Variants in CXCL13 observed in about 807,000 individuals in gnomAD.
CXCL13 encodes C-X-C motif chemokine 13.
CXCL13 carries 7 observed loss-of-function variants against 12.2 expected under a neutral mutation model. That is an observed-to-expected ratio of 0.57 (90% CI 0.33 to 1.07). The LOEUF is 1.07. Ranked by LOEUF, CXCL13 falls within the 50% of genes least tolerant of loss-of-function variation. The pLI is 0.04. For synonymous variants in CXCL13, 47 were observed against 42.4 expected (o/e 1.11, Z -0.42); for missense variants, 113 against 127.4 (o/e 0.89, Z 0.55).
intron 1 of CXCL13, among the ~76,000 whole-genome samples, chr4:77,595,693 A>G (rs902071449): frequency 9.9e-5 from 15 of 152,216 alleles, no homozygotes; most frequent in African/African-American, 3.6e-4. Context: ...CACCCTAATA[A>G]TGAAACAATA....
chr4:77,520,468 T>C (rs1232274811), intron 1 of CXCL13, among the ~76,000 whole-genome samples: 10 of 152,208 alleles, frequency 6.6e-5, no homozygotes, highest in African/African-American at 2.2e-4. Context: ...CTGTATTCTT[T>C]TTGCAGCAAT....
At chr4:77,520,090 C>T (rs1286027492) in intron 1 of CXCL13, among the ~76,000 whole-genome samples, 3 of 152,146 alleles carry the variant, frequency 2.0e-5, no homozygotes, top group East Asian at 1.9e-4. Flanking sequence ...GTTTTGGTAC[C>T]AGTACCATGC....
chr4:77,588,027 C>T (rs1283446047), intron 1 of CXCL13, among the ~76,000 whole-genome samples: 1 of 152,242 alleles, frequency 6.6e-6, no homozygotes, highest in Non-Finnish European at 1.5e-5. Flanking sequence ...CTCATCCACA[C>T]TCTTGAAGGG....
At position 77,519,514 on chromosome 4, in the gene CXCL13, C is replaced by T. The variant is rs185458746; in HGVS notation, c.-43+7726C>T. ...TGTGTCTGTTGGCTGCATAAATGTC[C>T]TCTTTTGAGAAGTGTCTGTTCATAT... is the stretch of plus-strand genomic sequence containing the variant. On this transcript the variant is annotated intron_variant, in intron 1 of 4. Transcript: ENST00000286758. Among the ~76,000 whole-genome samples the T allele has an allele frequency of 7.6e-3, 1,155 of 152,172 alleles. 14 individuals carry two copies. The highest frequency in any genetic ancestry group is 0.025 in the African/African-American group (1,042 of 41,538).
chr4:77,526,831 C>T (rs1359302374), intron 1 of CXCL13, among the ~76,000 whole-genome samples: 1 of 152,146 alleles, frequency 6.6e-6, no homozygotes, highest in South Asian at 2.1e-4. Flanking sequence ...GGCCTTTGAG[C>T]TGAGACCCAA....
chr4:77,600,073 T>C (rs1190489957), intron 1 of CXCL13, among the ~76,000 whole-genome samples: 1 of 151,954 alleles, frequency 6.6e-6, no homozygotes, highest in African/African-American at 2.4e-5. Context: ...ACTTGGAATA[T>C]TGGAGATAGA....
intron 1 of CXCL13, among the ~76,000 whole-genome samples, chr4:77,541,463 T>G (rs1725205330): frequency 6.6e-6 from 1 of 152,200 alleles, no homozygotes; most frequent in Non-Finnish European, 1.5e-5. Flanking sequence ...ATTTATTGAA[T>G]AGGAAGTCCT....
intron 1 of CXCL13, among the ~76,000 whole-genome samples, chr4:77,542,436 T>C (rs2109801705): frequency 6.6e-6 from 1 of 152,216 alleles, no homozygotes; most frequent in Middle Eastern, 3.4e-3. Flanking sequence ...TTGGTCTAAT[T>C]GAGAGTTTTT....
chr4:77,518,937 A>T lies in CXCL13; in HGVS notation c.-43+7149A>T, dbSNP rs185891135. Among the ~76,000 whole-genome samples the T allele has an allele frequency of 7.6e-3, 1,156 of 151,822 alleles. 14 individuals are homozygous for T. The highest frequency in any genetic ancestry group is 0.025 in the African/African-American group (1,045 of 41,364). On this transcript the variant is annotated intron_variant, in intron 1 of 4. Coordinates refer to the CXCL13 transcript ENST00000286758. ...TCTTTGTGGTTTTATCTAGTTTTGGACTTTGATGATGGTGATGTACAGATA... is the reference window on the plus strand; with the variant it reads ...TCTTTGTGGTTTTATCTAGTTTTGGTCTTTGATGATGGTGATGTACAGATA...
rs142128799 is a variant in CXCL13, at chr4:77,573,288, C to G, written c.-42-32536C>G. Among the ~76,000 whole-genome samples the G allele has an allele frequency of 4.7e-3, 701 of 150,510 alleles. 21 individuals are homozygous for G. The highest frequency in any genetic ancestry group is 0.015 in the African/African-American group (605 of 40,682). ...TTTTCTAAGAGAAATAATTTGAATC[C>G]ACTTATATTTTATGAAATAGTTTGT... On this transcript the variant is annotated intron_variant, in intron 1 of 4. Coordinates refer to the CXCL13 transcript ENST00000286758.
At chr4:77,532,052 G>T (rs1163931299) in intron 1 of CXCL13, among the ~76,000 whole-genome samples, 1 of 152,044 alleles carries the variant, frequency 6.6e-6, no homozygotes, top group Admixed American at 6.6e-5. Context: ...TTACATTTAA[G>T]GTTAATATTG....
At chr4:77,520,043 C>T (rs187176451) in intron 1 of CXCL13, among the ~76,000 whole-genome samples, 1,572 of 152,212 alleles carry the variant, frequency 0.01, 24 homozygotes, top group Non-Finnish European at 0.012. Context: ...GGTGTTATTT[C>T]TGAGGGCTCT....
At chr4:77,578,679 T>C (rs1226380818) in intron 1 of CXCL13, among the ~76,000 whole-genome samples, 3 of 152,160 alleles carry the variant, frequency 2.0e-5, no homozygotes, top group Non-Finnish European at 1.5e-5. Context: ...CTTTTTTCTT[T>C]TTCTCTCCTA....
rs553376810 is a variant in CXCL13 at position 77,538,997 on chromosome 4, G to A, written c.-43+27209G>A. ...TAAGCTTTAGAGCAGGAATGAAAGT[G>A]TACTTGGAAGAGGGCCAAGTGGACA... On this transcript the variant is annotated intron_variant, in intron 1 of 4. Transcript: ENST00000286758. Among the ~76,000 whole-genome samples the A allele has an allele frequency of 9.2e-5, 14 of 151,946 alleles. 2 individuals carry two copies. In the South Asian group the frequency reaches 2.7e-3, roughly 29 times the overall value.
intron 1 of CXCL13, among the ~76,000 whole-genome samples, chr4:77,528,921 T>G (rs1252946510): frequency 5.9e-5 from 9 of 152,330 alleles, no homozygotes; most frequent in Non-Finnish European, 1.0e-4. Context: ...GGTCTAACAT[T>G]TAAGTCTTTA....
At chr4:77,559,597 G>A (rs1725752407) in intron 1 of CXCL13, among the ~76,000 whole-genome samples, 1 of 152,000 alleles carries the variant, frequency 6.6e-6, no homozygotes, top group South Asian at 2.1e-4. Flanking sequence ...TGCCGTGTGT[G>A]TGTGTGTGTG....
At chr4:77,552,564 C>A (rs531446999) in intron 1 of CXCL13, among the ~76,000 whole-genome samples, 1 of 152,224 alleles carries the variant, frequency 6.6e-6, no homozygotes, top group African/African-American at 2.4e-5. Context: ...GAGCTCCCTC[C>A]TTACCCCTGG....
In CXCL13 at chr4:77,568,727, C is replaced by T. The variant is rs150578975; in HGVS notation, c.-42-37097C>T. On this transcript the variant is annotated intron_variant, in intron 1 of 4. Transcript: ENST00000286758. The stretch of plus-strand genomic sequence containing the variant: ...TGATACTTGGGTATTTTGGGCTTTT[C>T]GGCATTTGGTTCTGTTTACTGCCCC... Among the ~76,000 whole-genome samples the T allele has an allele frequency of 7.0e-4, 107 of 152,106 alleles. No homozygotes were observed. The South Asian group carries it at 0.01, about 15-fold the overall frequency.
chr4:77,601,006 T>C (rs1365081044), upstream of CXCL13, among the ~76,000 whole-genome samples: 1 of 152,194 alleles, frequency 6.6e-6, no homozygotes, highest in Non-Finnish European at 1.5e-5. Flanking sequence ...AGGCAGGGTC[T>C]TCTTTACCTG....
Sources: allele counts gnomAD v4.1 joint callset (sites outside exome capture counted in the v4.1 genomes callset), GRCh38; gene constraint gnomAD v4.1.1; transcripts MANE v1.5; gene names NCBI Gene and HGNC (gene_info 2026-07-23, HGNC 2026-07-21).